CFAP299: variants seen among roughly 807,000 people sequenced by gnomAD.
The protein encoded by CFAP299 is cilia- and flagella-associated protein 299.
In CFAP299, 21 loss-of-function variants were observed where a neutral mutation model predicts 27.0. That is an observed-to-expected ratio of 0.78 (90% confidence interval 0.55 to 1.12). CFAP299 has a LOEUF of 1.12. Ranked by LOEUF, CFAP299 falls within the 50% of genes most tolerant of loss-of-function variation. The probability of loss-of-function intolerance (pLI) is 0.00; values close to 1 mark genes in which losing one functional copy is unlikely to be tolerated. For missense variants in CFAP299, 310 were observed against 276.6 expected, an observed-to-expected ratio of 1.12 and a Z score of -0.86; for synonymous variants, 104 against 98.1, an observed-to-expected ratio of 1.06 and a Z score of -0.36.
intron 1 of CFAP299, among the ~76,000 whole-genome samples, chr4:80,340,075 T>C (rs1383073698): frequency 1.3e-5 from 2 of 152,192 alleles, no homozygotes; most frequent in Non-Finnish European, 2.9e-5. Flanking sequence ...TCCATGGCTG[T>C]CATGGAGAAG....
intron 2 of CFAP299, among the ~76,000 whole-genome samples, chr4:80,564,173 T>C (rs578132020): frequency 1.4e-3 from 209 of 152,036 alleles, no homozygotes; most frequent in African/African-American, 4.7e-3. Flanking sequence ...ACTTCCAAAC[T>C]CATTCTACAA....
intron 3 of CFAP299, among the ~76,000 whole-genome samples, chr4:80,736,477 AC>A (rs952657111): frequency 5.7e-4 from 87 of 152,226 alleles, no homozygotes; most frequent in African/African-American, 2.0e-3. Context: ...GAAAAAAAAA[AC>A]AACCCCATCA....
chr4:80,858,659 A>G (rs1213841168), intron 3 of CFAP299, among the ~76,000 whole-genome samples: 3 of 151,888 alleles, frequency 2.0e-5, no homozygotes, highest in African/African-American at 4.8e-5. Flanking sequence ...CCTTCATTTC[A>G]TTATGTACCC....
chr4:80,403,704 C>T (rs548858289), intron 2 of CFAP299, among the ~76,000 whole-genome samples: 2 of 152,238 alleles, frequency 1.3e-5, no homozygotes, highest in East Asian at 3.9e-4. Context: ...TCTGAGGTCT[C>T]ATTACTTTAT....
At chr4:80,853,019 TTTTATTTATTTA>T (rs149748143) in intron 3 of CFAP299, among the ~76,000 whole-genome samples, 3 of 151,324 alleles carry the variant, frequency 2.0e-5, no homozygotes, top group African/African-American at 7.3e-5. Flanking sequence ...TTTATTTTCT[TTTTATTTATTTA>T]TTTATTTATT....
chr4:80,348,068 G>A (rs890133128), intron 1 of CFAP299, among the ~76,000 whole-genome samples: 19 of 152,106 alleles, frequency 1.2e-4, no homozygotes, highest in Non-Finnish European at 2.8e-4. Flanking sequence ...TTTAATAAAT[G>A]GCGTTGGGAG....
chr4:80,468,275 A>T (rs1252320865), intron 2 of CFAP299, among the ~76,000 whole-genome samples: 1 of 150,296 alleles, frequency 6.7e-6, no homozygotes, highest in Admixed American at 6.6e-5. Context: ...GCTGGAGTGC[A>T]CTGGCTGGCC....
chr4:80,826,681 A>C (rs1730007314), intron 3 of CFAP299, among the ~76,000 whole-genome samples: 1 of 151,872 alleles, frequency 6.6e-6, no homozygotes, highest in Non-Finnish European at 1.5e-5. Flanking sequence ...ATAATAGAGC[A>C]CTTGACACAA....
intron 3 of CFAP299, among the ~76,000 whole-genome samples, chr4:80,683,005 T>C (rs1044350936): frequency 6.6e-6 from 1 of 152,210 alleles, no homozygotes; most frequent in Non-Finnish European, 1.5e-5. Flanking sequence ...GGGTCATTGA[T>C]TAATTGATCA....
intron 2 of CFAP299, among the ~76,000 whole-genome samples, chr4:80,532,845 C>T (rs1733544419): frequency 6.6e-6 from 1 of 152,186 alleles, no homozygotes; most frequent in Non-Finnish European, 1.5e-5. Flanking sequence ...GCAAAGCTAG[C>T]AGTGACGGTA....
At chr4:80,338,592 GT>G (rs1722279083) in intron 1 of CFAP299, among the ~76,000 whole-genome samples, 1 of 152,092 alleles carries the variant, frequency 6.6e-6, no homozygotes, top group South Asian at 2.1e-4. Context: ...AATGTTATGA[GT>G]TATCTATACT....
At position 80,963,636 on chromosome 4, in the gene CFAP299, T is replaced by A. The variant is rs911220804; in HGVS notation, c.*24T>A. On this transcript the variant is annotated 3_prime_UTR_variant, in exon 6 of 6. Transcript: ENST00000358105. ...AAGTACCAACATGTTAATTTCCTAATAATTTGCTAAATTTAAATAAATTCC... is the reference window on the plus strand; with the variant it reads ...AAGTACCAACATGTTAATTTCCTAAAAATTTGCTAAATTTAAATAAATTCC... The A allele has an allele frequency of 6.8e-7, 1 of 1,472,826 alleles. No individual in the cohort carries two copies. Among genetic ancestry groups the A allele is most frequent in the East Asian group, 2.3e-5 (1 of 43,870 alleles). 91.2% of individuals were successfully genotyped at this position (1,472,826 alleles called of 1,614,324 possible). A position where few individuals can be genotyped will look rare whatever the true frequency, so the allele number is the denominator to read the frequency against.
chr4:80,765,122 G>T (rs1725784440), intron 3 of CFAP299, among the ~76,000 whole-genome samples: 1 of 152,096 alleles, frequency 6.6e-6, no homozygotes, highest in South Asian at 2.1e-4. Flanking sequence ...GAAATCTTCT[G>T]CCTCATGGCA....
intron 3 of CFAP299, among the ~76,000 whole-genome samples, chr4:80,844,303 G>A (rs547392283): frequency 1.6e-4 from 25 of 152,212 alleles, no homozygotes; most frequent in Admixed American, 3.9e-4. Context: ...GGTATTTCTA[G>A]TTCTAGATCC....
chr4:80,438,391 A>T (rs1243837222), intron 2 of CFAP299, among the ~76,000 whole-genome samples: 1 of 152,206 alleles, frequency 6.6e-6, no homozygotes, highest in East Asian at 1.9e-4. Context: ...TATCTGTTTC[A>T]TGTCCAGCTT....
intron 3 of CFAP299, among the ~76,000 whole-genome samples, chr4:80,655,488 G>A (rs1227949285): frequency 1.3e-5 from 2 of 152,114 alleles, no homozygotes; most frequent in Non-Finnish European, 2.9e-5. Flanking sequence ...TGGTAAGTGG[G>A]TCCTGCAGCT....
chr4:80,342,506 A>AC (rs1454659662), intron 1 of CFAP299, among the ~76,000 whole-genome samples: 2 of 152,190 alleles, frequency 1.3e-5, no homozygotes, highest in African/African-American at 4.8e-5. Flanking sequence ...GAGATTGCAG[A>AC]CCAATGTTCA....
chr4:80,654,532 C>G (rs1045977066), intron 3 of CFAP299, among the ~76,000 whole-genome samples: 2 of 152,132 alleles, frequency 1.3e-5, no homozygotes, highest in Non-Finnish European at 2.9e-5. Context: ...AAACACATAA[C>G]TGTAAGCATG....
chr4:80,416,292 C>G (rs148101120), intron 2 of CFAP299, among the ~76,000 whole-genome samples: 2 of 152,110 alleles, frequency 1.3e-5, no homozygotes, highest in African/African-American at 4.8e-5. Context: ...AAACATGTTA[C>G]GAATTCATGT....
Sources: gnomAD v4.1 joint callset for allele counts (sites outside exome capture counted in the v4.1 genomes callset) on GRCh38, gnomAD v4.1.1 for gene constraint, MANE v1.5 for transcripts, NCBI Gene and HGNC (gene_info 2026-07-23, HGNC 2026-07-21) for gene names.